Variants in FUT8 observed in about 807,000 individuals in gnomAD.
FUT8 encodes the protein alpha-(1,6)-fucosyltransferase.
FUT8 carries 29 observed loss-of-function variants against 71.3 expected under a neutral mutation model. The observed-to-expected ratio is 0.41, with a 90% CI of 0.30 to 0.55. The LOEUF (loss-of-function observed/expected upper bound fraction) is 0.55, where lower values mean the gene tolerates loss of function less well. Among genes scored for constraint, FUT8 ranks in the 20% least tolerant of loss-of-function variants. The probability of loss-of-function intolerance (pLI) is 0.34; values close to 1 mark genes in which losing one functional copy is unlikely to be tolerated. For synonymous variants in FUT8, 254 were observed against 239.3 expected, an observed-to-expected ratio of 1.06 and a Z score of -0.57; for missense variants, 544 against 702.1, an observed-to-expected ratio of 0.77 and a Z score of 2.55.
At chr14:65,379,337 C>T in the FUT8 span, among the ~76,000 whole-genome samples, 1 of 152,046 alleles carries the variant, frequency 6.6e-6, no homozygotes, top group Non-Finnish European at 1.5e-5. Context: ...TGAGACCAGC[C>T]TGGCCAACAT....
At chr14:65,651,621 TAATA>T (rs1250623885) in intron 6 of FUT8, among the ~76,000 whole-genome samples, 1 of 152,088 alleles carries the variant, frequency 6.6e-6, no homozygotes, top group Non-Finnish European at 1.5e-5. Context: ...GAAGCTATAA[TAATA>T]AATATACTCC....
chr14:65,644,956 T>C (rs933237583), intron 6 of FUT8, among the ~76,000 whole-genome samples: 1 of 152,132 alleles, frequency 6.6e-6, no homozygotes, highest in Non-Finnish European at 1.5e-5. Context: ...TGGGGGCCAT[T>C]TTCAACAGTG....
At chr14:65,654,362 G>T (rs942970977) in intron 6 of FUT8, among the ~76,000 whole-genome samples, 2 of 152,196 alleles carry the variant, frequency 1.3e-5, no homozygotes, top group Non-Finnish European at 2.9e-5. Flanking sequence ...GCCAAGGCAG[G>T]CGGATCACCT....
chr14:65,451,872 A>C (rs1416243484), intron 1 of FUT8, among the ~76,000 whole-genome samples: 1 of 152,152 alleles, frequency 6.6e-6, no homozygotes, highest in African/African-American at 2.4e-5. Flanking sequence ...TTTTATAGGC[A>C]CAGGATGGGA....
At chr14:65,536,383 G>T (rs1303313923) in intron 2 of FUT8, among the ~76,000 whole-genome samples, 1 of 152,168 alleles carries the variant, frequency 6.6e-6, no homozygotes, top group African/African-American at 2.4e-5. Flanking sequence ...TTTTGTAGTG[G>T]TTGCTAATGG....
intron 6 of FUT8, among the ~76,000 whole-genome samples, chr14:65,647,763 T>A (rs959984075): frequency 3.9e-5 from 6 of 152,196 alleles, no homozygotes; most frequent in Non-Finnish European, 8.8e-5. Context: ...AATTTCAGTT[T>A]TAGCAGATCA....
chr14:65,388,404 A>G, the FUT8 span, among the ~76,000 whole-genome samples: 1 of 152,222 alleles, frequency 6.6e-6, no homozygotes, highest in African/African-American at 2.4e-5. Flanking sequence ...TTAGTGGCAC[A>G]TGGATCCATT....
At chr14:65,358,814 G>GT in the FUT8 span, among the ~76,000 whole-genome samples, 7 of 151,926 alleles carry the variant, frequency 4.6e-5, no homozygotes, top group East Asian at 1.9e-4. Flanking sequence ...TGTTATTTGT[G>GT]TTTTTTTGTG....
the FUT8 span, among the ~76,000 whole-genome samples, chr14:65,391,953 A>T: frequency 1.3e-5 from 2 of 151,302 alleles, no homozygotes; most frequent in Non-Finnish European, 1.5e-5. Flanking sequence ...TTGTTTTGAG[A>T]TGGAGTTTTG....
At chr14:65,655,111 TA>T (rs1314955777) in intron 6 of FUT8, among the ~76,000 whole-genome samples, 1 of 151,656 alleles carries the variant, frequency 6.6e-6, no homozygotes. Context: ...ACTTCACATA[TA>T]ACGATATAGG....
intron 7 of FUT8, among the ~76,000 whole-genome samples, chr14:65,694,336 G>A (rs555773319): frequency 4.6e-5 from 7 of 152,096 alleles, no homozygotes; most frequent in Admixed American, 1.3e-4. Flanking sequence ...CTTTTGCAGC[G>A]TTCCACAAAT....
At chr14:65,503,563 C>G (rs1464870002) in intron 2 of FUT8, among the ~76,000 whole-genome samples, 1 of 152,146 alleles carries the variant, frequency 6.6e-6, no homozygotes, top group Non-Finnish European at 1.5e-5. Flanking sequence ...ATTTTACTTT[C>G]AGTAATTTCT....
chr14:65,365,092 C>T, the FUT8 span, among the ~76,000 whole-genome samples: 1 of 152,168 alleles, frequency 6.6e-6, no homozygotes, highest in Non-Finnish European at 1.5e-5. Flanking sequence ...AGGTATTCTC[C>T]CCTTATTTGG....
intron 2 of FUT8, among the ~76,000 whole-genome samples, chr14:65,554,974 T>C (rs529999349): frequency 1.3e-5 from 2 of 152,338 alleles, no homozygotes; most frequent in African/African-American, 4.8e-5. Context: ...GTAGCTTGTT[T>C]TTAAGCTTTG....
intron 6 of FUT8, among the ~76,000 whole-genome samples, chr14:65,661,763 G>T (rs1891976114): frequency 6.6e-6 from 1 of 152,204 alleles, no homozygotes; most frequent in Admixed American, 6.5e-5. Flanking sequence ...TAGTGCCTAA[G>T]TAGTAGAAGA....
At chr14:65,406,835 G>C (rs2065090676), upstream of FUT8, among the ~76,000 whole-genome samples, 4 of 152,222 alleles carry the variant, frequency 2.6e-5, no homozygotes. Context: ...ACAGCGCCTG[G>C]CCTGGGCCAG....
chr14:65,516,735 G>A lies in FUT8; in HGVS notation c.-227-44602G>A, dbSNP rs116904603. 5.8e-3 allele frequency among the ~76,000 whole-genome samples: 875 copies of A among 151,608 alleles called. 33 individuals are homozygous for A. In the East Asian group the frequency reaches 0.093, roughly 16 times the overall value. On this transcript the variant is annotated intron_variant, in intron 2 of 10. Coordinates refer to ENST00000673929, the MANE Select transcript of FUT8 (RefSeq NM_001371533.1). ...AATATACATCCCCCCTTTTTGTTAT[G>A]GTAAAATGTACATAACACAATTCAC...
At chr14:65,671,355 A>G (rs1892469504) in intron 7 of FUT8, among the ~76,000 whole-genome samples, 5 of 152,174 alleles carry the variant, frequency 3.3e-5, no homozygotes, top group Admixed American at 3.3e-4. Flanking sequence ...GGGTATGAAA[A>G]TTTAACATGG....
Position 65,561,821 on chromosome 14 carries a change from G to C in FUT8, c.203+55G>C. The C allele has an allele frequency of 3.5e-6, 5 of 1,413,700 alleles. No homozygotes were observed. In the South Asian group the frequency reaches 5.9e-5, roughly 17 times the overall value. The allele number at this position is 1,413,700 out of a possible 1,614,324, so 87.6% of individuals were successfully genotyped here. A position where few individuals can be genotyped will look rare whatever the true frequency, so the allele number is the denominator to read the frequency against. ...ATGAAATATTGTACTTTGTTTTTAG[G>C]TGTAGGGCTTCATTCCGCTAGGAAA... On this transcript the variant is annotated intron_variant, in intron 3 of 10. Coordinates refer to ENST00000673929, the MANE Select transcript of FUT8 (RefSeq NM_001371533.1).
Sources: gnomAD v4.1 joint callset for allele counts (sites outside exome capture counted in the v4.1 genomes callset) on GRCh38, gnomAD v4.1.1 for gene constraint, MANE v1.5 for transcripts, NCBI Gene and HGNC (gene_info 2026-07-23, HGNC 2026-07-21) for gene names.